The following PRR5 variants were observed in gnomAD, a reference collection of about 807,000 sequenced individuals.
PRR5 encodes proline-rich protein 5.
In PRR5, 25 loss-of-function variants were observed where a neutral mutation model predicts 30.6. The observed-to-expected ratio is 0.82, with a 90% CI of 0.60 to 1.14. PRR5 has a LOEUF of 1.14. Ranked by LOEUF, PRR5 falls within the 50% of genes most tolerant of loss-of-function variation. The pLI is 0.00. For missense variants in PRR5, 600 were observed against 547.1 expected, an observed-to-expected ratio of 1.10 and a Z score of -0.96; for synonymous variants, 286 against 247.1, an observed-to-expected ratio of 1.16 and a Z score of -1.48.
At chr22:44,674,437 A>AC (rs1923597592), upstream of PRR5, among the ~76,000 whole-genome samples, 1 of 151,628 alleles carries the variant, frequency 6.6e-6, no homozygotes, top group African/African-American at 2.4e-5. Context: ...AGAGTTCAAG[A>AC]CCAGGCCGGG....
At chr22:44,711,216 G>C (rs764339806) in intron 1 of PRR5, among the ~76,000 whole-genome samples, 19 of 152,192 alleles carry the variant, frequency 1.2e-4, no homozygotes, top group Non-Finnish European at 1.9e-4. Context: ...GAGGCCAGGT[G>C]GGGCGTCAGG....
At chr22:44,669,553 G>A (rs1923304023) in intron 1 of PRR5, among the ~76,000 whole-genome samples, 1 of 152,230 alleles carries the variant, frequency 6.6e-6, no homozygotes, top group South Asian at 2.1e-4. Context: ...ACGGGTCTGC[G>A]CCTCTGACCT....
chr22:44,704,449 C>T (rs150110455), intron 1 of PRR5, among the ~76,000 whole-genome samples: 1 of 152,152 alleles, frequency 6.6e-6, no homozygotes, highest in African/African-American at 2.4e-5. Flanking sequence ...TCAGGGAGGC[C>T]TCAGGGGGAC....
intron 1 of PRR5, among the ~76,000 whole-genome samples, chr22:44,709,977 G>C (rs1489208476): frequency 3.9e-5 from 6 of 152,166 alleles, no homozygotes; most frequent in Admixed American, 1.3e-4. Context: ...ACACTGAGCT[G>C]CTCTTTTCTC....
At chr22:44,674,670 A>G (rs1053500043), upstream of PRR5, among the ~76,000 whole-genome samples, 20 of 149,918 alleles carry the variant, frequency 1.3e-4, no homozygotes, top group African/African-American at 2.5e-4. Flanking sequence ...GCAGTGAGCC[A>G]AGACCGCCAC....
chr22:44,728,609 A>G (rs1205038872), intron 4 of PRR5, among the ~76,000 whole-genome samples: 1 of 152,252 alleles, frequency 6.6e-6, no homozygotes, highest in Non-Finnish European at 1.5e-5. Context: ...TGGTCTGTTC[A>G]GGGGAACTTG....
chr22:44,688,059 G>A (rs1924913880), intron 1 of PRR5, among the ~76,000 whole-genome samples: 1 of 151,498 alleles, frequency 6.6e-6, no homozygotes, highest in Admixed American at 6.6e-5. Flanking sequence ...ACAGGCGTGA[G>A]CCACCGCACC....
chr22:44,678,728 C>A (rs1026459147), intron 1 of PRR5, among the ~76,000 whole-genome samples: 1 of 152,220 alleles, frequency 6.6e-6, no homozygotes, highest in African/African-American at 2.4e-5. Context: ...CCATCTCACC[C>A]TGGGCTCTGC....
chr22:44,713,887 T>G (rs1272253501), intron 1 of PRR5, among the ~76,000 whole-genome samples: 1 of 152,190 alleles, frequency 6.6e-6, no homozygotes, highest in Non-Finnish European at 1.5e-5. Flanking sequence ...CATCGCAAGC[T>G]CTGCCTCCCG....
chr22:44,734,883 C>T, intron 6 of PRR5, 144 bp from the exon 7 acceptor site: 1 of 1,210,648 alleles, frequency 8.3e-7, no homozygotes, highest in Non-Finnish European at 1.2e-6. Flanking sequence ...ACCGTGGGCC[C>T]TGCCATGGGG....
At chr22:44,707,821 C>G (rs1207542603) in intron 1 of PRR5, among the ~76,000 whole-genome samples, 3 of 152,228 alleles carry the variant, frequency 2.0e-5, no homozygotes, top group African/African-American at 7.2e-5. Context: ...AGGGCCTCAA[C>G]CATGATGGGA....
chr22:44,728,985 G>C (rs1018266853), intron 4 of PRR5, among the ~76,000 whole-genome samples: 1 of 152,200 alleles, frequency 6.6e-6, no homozygotes, highest in Non-Finnish European at 1.5e-5. Context: ...TAGTTTGATG[G>C]CCTGTGTGTG....
chr22:44,673,197 C>T (rs1923524523), upstream of PRR5, among the ~76,000 whole-genome samples: 1 of 152,210 alleles, frequency 6.6e-6, no homozygotes, highest in Admixed American at 6.5e-5. Flanking sequence ...GGGGCATAGC[C>T]CCCACTTAGT....
chr22:44,703,970 G>A (rs539864154), intron 1 of PRR5, among the ~76,000 whole-genome samples: 15 of 152,212 alleles, frequency 9.9e-5, no homozygotes, highest in Non-Finnish European at 1.8e-4. Context: ...TTAGAGGAAA[G>A]AGTTAAATAG....
chr22:44,713,896 C>T (rs963656006), intron 1 of PRR5, among the ~76,000 whole-genome samples: 3 of 152,232 alleles, frequency 2.0e-5, no homozygotes, highest in South Asian at 2.1e-4. Context: ...CTCTGCCTCC[C>T]GGGTTCACGC....
intron 1 of PRR5, among the ~76,000 whole-genome samples, chr22:44,685,360 AAAAC>A (rs908364432): frequency 9.2e-5 from 14 of 152,334 alleles, no homozygotes; most frequent in East Asian, 3.9e-4. Context: ...ACCCCATCTC[AAAAC>A]AAACAAACAA....
intron 1 of PRR5, among the ~76,000 whole-genome samples, chr22:44,709,114 A>G (rs748174045): frequency 5.9e-5 from 9 of 152,022 alleles, no homozygotes; most frequent in Non-Finnish European, 1.2e-4. Flanking sequence ...TGTTGGCTGA[A>G]GCCTCCAGGC....
intron 1 of PRR5, among the ~76,000 whole-genome samples, chr22:44,714,246 T>C (rs1389310640): frequency 6.6e-6 from 1 of 151,682 alleles, no homozygotes; most frequent in African/African-American, 2.4e-5. Context: ...TTGGATGTGT[T>C]GGGGGGTGGG....
upstream of PRR5, among the ~76,000 whole-genome samples, chr22:44,672,438 G>A (rs1923476472): frequency 6.6e-6 from 1 of 152,030 alleles, no homozygotes; most frequent in Non-Finnish European, 1.5e-5. Flanking sequence ...TACAAAATTA[G>A]CCAGGCGTGG....
Sources: gnomAD v4.1 joint callset for allele counts (sites outside exome capture counted in the v4.1 genomes callset) on GRCh38, gnomAD v4.1.1 for gene constraint, MANE v1.5 for transcripts, NCBI Gene and HGNC (gene_info 2026-07-23, HGNC 2026-07-21) for gene names.